The following KCNMB2 variants were observed in gnomAD, a reference collection of about 807,000 sequenced individuals.
KCNMB2 encodes calcium-activated potassium channel subunit beta-2.
KCNMB2 carries 9 observed loss-of-function variants against 24.5 expected under a neutral mutation model. The observed-to-expected ratio is 0.37, with a 90% CI of 0.22 to 0.64. KCNMB2 has a LOEUF of 0.64. Ranked by LOEUF, KCNMB2 falls within the 30% of genes least tolerant of loss-of-function variation. The pLI is 0.63. For synonymous variants in KCNMB2, 109 were observed against 104.4 expected (o/e 1.04, Z -0.27); for missense variants, 226 against 284.3 (o/e 0.79, Z 1.47).
chr3:178,586,776 C>G (rs1242266939), intron 1 of KCNMB2, among the ~76,000 whole-genome samples: 2 of 151,936 alleles, frequency 1.3e-5, no homozygotes, highest in Non-Finnish European at 2.9e-5. Context: ...AACTCCTGAC[C>G]TCGGGTGATC....
At chr3:178,630,068 G>A (rs1282845133) in intron 1 of KCNMB2, among the ~76,000 whole-genome samples, 1 of 152,158 alleles carries the variant, frequency 6.6e-6, no homozygotes, top group African/African-American at 2.4e-5. Flanking sequence ...CCCTGCCCCA[G>A]TGTCCACCAT....
At chr3:178,565,310 G>C (rs533073809) in intron 1 of KCNMB2, among the ~76,000 whole-genome samples, 1 of 152,252 alleles carries the variant, frequency 6.6e-6, no homozygotes, top group African/African-American at 2.4e-5. Flanking sequence ...AGTCATACAA[G>C]CAGCCACCAG....
chr3:178,745,456 A>G (rs750480539), intron 1 of KCNMB2, among the ~76,000 whole-genome samples: 8 of 152,146 alleles, frequency 5.3e-5, no homozygotes, highest in Non-Finnish European at 8.8e-5. Context: ...AACACGTGGG[A>G]ATTCAAGATG....
chr3:178,811,186 G>A (rs1714178033), intron 2 of KCNMB2, among the ~76,000 whole-genome samples: 1 of 151,928 alleles, frequency 6.6e-6, no homozygotes, highest in African/African-American at 2.4e-5. Context: ...ATATTGAAGT[G>A]ATACAAATGA....
At chr3:178,595,853 T>C (rs1355840911) in intron 1 of KCNMB2, among the ~76,000 whole-genome samples, 1 of 152,090 alleles carries the variant, frequency 6.6e-6, no homozygotes, top group Non-Finnish European at 1.5e-5. Flanking sequence ...TATAGGTCTT[T>C]TTTACATTTC....
chr3:178,654,105 T>C (rs1720234227), intron 1 of KCNMB2, among the ~76,000 whole-genome samples: 1 of 152,178 alleles, frequency 6.6e-6, no homozygotes, highest in Non-Finnish European at 1.5e-5. Context: ...AATTTGTCCA[T>C]TTTATTCAAA....
At chr3:178,676,922 T>A (rs930470091) in intron 1 of KCNMB2, among the ~76,000 whole-genome samples, 1 of 152,048 alleles carries the variant, frequency 6.6e-6, no homozygotes, top group Admixed American at 6.6e-5. Context: ...CTAATCCCCG[T>A]GTCAGATGAG....
intron 1 of KCNMB2, among the ~76,000 whole-genome samples, chr3:178,767,194 GTAT>G (rs1227057054): frequency 6.6e-6 from 1 of 152,142 alleles, no homozygotes; most frequent in Admixed American, 6.6e-5. Flanking sequence ...ATAAGCAACT[GTAT>G]TATATTTATT....
intron 1 of KCNMB2, among the ~76,000 whole-genome samples, chr3:178,684,755 T>C (rs1301214991): frequency 3.9e-5 from 6 of 152,114 alleles, no homozygotes; most frequent in Admixed American, 3.3e-4. Context: ...GGCTTGAACC[T>C]GGGAGGTGGA....
intron 1 of KCNMB2, among the ~76,000 whole-genome samples, chr3:178,712,222 G>A (rs1382905680): frequency 6.6e-6 from 1 of 152,128 alleles, no homozygotes; most frequent in Non-Finnish European, 1.5e-5. Context: ...TTACTAGGGG[G>A]CCTAACCACC....
At chr3:178,623,187 C>T (rs944364806) in intron 1 of KCNMB2, among the ~76,000 whole-genome samples, 1 of 152,220 alleles carries the variant, frequency 6.6e-6, no homozygotes, top group African/African-American at 2.4e-5. Context: ...GGTGTGCTGA[C>T]ATTCCCTAGA....
intron 1 of KCNMB2, among the ~76,000 whole-genome samples, chr3:178,686,607 T>C (rs1721480352): frequency 6.6e-6 from 1 of 152,200 alleles, no homozygotes; most frequent in South Asian, 2.1e-4. Flanking sequence ...CTTTTGCTGT[T>C]CTCTCAAATT....
intron 1 of KCNMB2, among the ~76,000 whole-genome samples, chr3:178,571,722 C>T (rs923428704): frequency 6.6e-6 from 1 of 151,520 alleles, no homozygotes; most frequent in Admixed American, 6.6e-5. Flanking sequence ...TGTGATGTTG[C>T]CCTCCCTGTG....
intron 1 of KCNMB2, among the ~76,000 whole-genome samples, chr3:178,743,139 G>A (rs1399416902): frequency 1.3e-5 from 2 of 152,124 alleles, no homozygotes; most frequent in African/African-American, 4.8e-5. Flanking sequence ...CAGAAAAGGA[G>A]TCCAGGAGCC....
chr3:178,813,919 G>GA (rs1161581500), intron 2 of KCNMB2, among the ~76,000 whole-genome samples: 1 of 152,056 alleles, frequency 6.6e-6, no homozygotes, highest in African/African-American at 2.4e-5. Flanking sequence ...AAAGAAACTT[G>GA]AACGACCCCT....
chr3:178,753,789 T>C (rs1723928394), intron 1 of KCNMB2, among the ~76,000 whole-genome samples: 1 of 152,192 alleles, frequency 6.6e-6, no homozygotes, highest in South Asian at 2.1e-4. Flanking sequence ...TTATTTCTTT[T>C]GTGGTGAAAA....
At chr3:178,744,136 A>T (rs1239174024) in intron 1 of KCNMB2, among the ~76,000 whole-genome samples, 1 of 152,212 alleles carries the variant, frequency 6.6e-6, no homozygotes, top group Non-Finnish European at 1.5e-5. Flanking sequence ...TGAAATACAC[A>T]TAATATTGTA....
At chr3:178,720,384 T>C (rs1490042044) in intron 1 of KCNMB2, among the ~76,000 whole-genome samples, 1 of 139,798 alleles carries the variant, frequency 7.2e-6, no homozygotes. Flanking sequence ...CTATCATTGT[T>C]GGACATTTGG....
intron 1 of KCNMB2, among the ~76,000 whole-genome samples, chr3:178,718,419 T>C (rs771911177): frequency 3.3e-5 from 5 of 152,184 alleles, no homozygotes; most frequent in Non-Finnish European, 7.3e-5. Flanking sequence ...CTAATCTTCC[T>C]CTCAAGGACA....
Sources: gnomAD v4.1 joint callset for allele counts (sites outside exome capture counted in the v4.1 genomes callset) on GRCh38, gnomAD v4.1.1 for gene constraint, MANE v1.5 for transcripts, NCBI Gene and HGNC (gene_info 2026-07-23, HGNC 2026-07-21) for gene names.